SLC39A11: variants seen among roughly 807,000 people sequenced by gnomAD.
SLC39A11 encodes the protein solute carrier family 39 member 11.
Under a neutral mutation model 36.1 loss-of-function variants are expected in SLC39A11, and 33 were observed. That is an observed-to-expected ratio of 0.91 (90% CI 0.69 to 1.22). The LOEUF (loss-of-function observed/expected upper bound fraction) is 1.22, where lower values mean the gene tolerates loss of function less well. Ranked by LOEUF, SLC39A11 falls within the 50% of genes most tolerant of loss-of-function variation. SLC39A11 has a pLI of 0.00. For synonymous variants in SLC39A11, 166 were observed against 170.3 expected (o/e 0.97, Z 0.20); for missense variants, 432 against 430.3 (o/e 1.00, Z -0.03).
chr17:73,068,744 T>C (rs2060073076), intron 3 of SLC39A11, among the ~76,000 whole-genome samples: 1 of 152,152 alleles, frequency 6.6e-6, no homozygotes, highest in South Asian at 2.1e-4. Flanking sequence ...CTATCTCCTA[T>C]GCCTCTGTCC....
chr17:72,804,422 T>A (rs1017205846), intron 6 of SLC39A11, among the ~76,000 whole-genome samples: 28 of 152,008 alleles, frequency 1.8e-4, no homozygotes, highest in African/African-American at 5.1e-4. Context: ...CCCACCCAAG[T>A]AGAGAGTATG....
chr17:72,946,211 A>G (rs1458586535), intron 5 of SLC39A11, among the ~76,000 whole-genome samples: 3 of 152,230 alleles, frequency 2.0e-5, no homozygotes, highest in African/African-American at 2.4e-5. Context: ...TCTGATGGGT[A>G]TAAGTGACAA....
chr17:72,649,132 GA>G, intron 8 of SLC39A11, 37 bp downstream of exon 8: 1 of 1,591,406 alleles, frequency 6.3e-7, no homozygotes, highest in South Asian at 1.1e-5. Context: ...CCACATGGAG[GA>G]TGCTGTGACA....
chr17:72,961,021 C>A (rs183718809), intron 4 of SLC39A11, among the ~76,000 whole-genome samples: 3 of 152,078 alleles, frequency 2.0e-5, no homozygotes, highest in African/African-American at 7.2e-5. Flanking sequence ...TCCAGGAACA[C>A]GAGGGTGAGA....
Position 72,833,232 on chromosome 17 carries a change from C to A in SLC39A11, c.601+16402G>T, listed in dbSNP as rs184172298. Among the ~76,000 whole-genome samples the A allele has an allele frequency of 2.0e-5, 3 of 149,200 alleles. No homozygotes were observed. The Admixed American group carries it at 2.0e-4, about 10-fold the overall frequency. ...AACAAAATGAAGAAAACTGGCAACA[C>A]AGGAATGAAATCACTTGTAGCGATT... On this transcript the variant is annotated intron_variant, in intron 6 of 9. Transcript: ENST00000255559.
chr17:72,666,315 T>A (rs979785462), intron 7 of SLC39A11, among the ~76,000 whole-genome samples: 1 of 152,162 alleles, frequency 6.6e-6, no homozygotes, highest in Non-Finnish European at 1.5e-5. Flanking sequence ...ATTGTGCACA[T>A]CTGGACAGCA....
At chr17:73,077,581 G>A (rs1169119430) in intron 3 of SLC39A11, among the ~76,000 whole-genome samples, 1 of 152,146 alleles carries the variant, frequency 6.6e-6, no homozygotes, top group Admixed American at 6.5e-5. Flanking sequence ...GCCTGCCTCC[G>A]CCTCCCAAAG....
intron 6 of SLC39A11, among the ~76,000 whole-genome samples, chr17:72,749,147 C>T (rs1178453456): frequency 1.3e-5 from 2 of 152,216 alleles, no homozygotes; most frequent in Non-Finnish European, 1.5e-5. Context: ...TTGGAAGACA[C>T]AAAAACTCAA....
chr17:73,004,194 A>AG (rs1370849372), intron 4 of SLC39A11, among the ~76,000 whole-genome samples: 2 of 105,802 alleles, frequency 1.9e-5, no homozygotes, highest in African/African-American at 6.9e-5. Context: ...AAAGAAAGAA[A>AG]GAAAGAAAGA....
chr17:72,811,060 A>T (rs980829066), intron 6 of SLC39A11, among the ~76,000 whole-genome samples: 2 of 123,096 alleles, frequency 1.6e-5, no homozygotes, highest in Non-Finnish European at 3.4e-5. Context: ...ACTTGATTTG[A>T]ATAAAAGCAA....
At chr17:72,858,208 C>CTAA (rs536049321) in intron 5 of SLC39A11, among the ~76,000 whole-genome samples, 2 of 152,170 alleles carry the variant, frequency 1.3e-5, no homozygotes, top group Non-Finnish European at 2.9e-5. Flanking sequence ...AGCCAGTTAT[C>CTAA]TAAGCACTAC....
At chr17:72,745,554 C>G (rs1262169101) in intron 6 of SLC39A11, among the ~76,000 whole-genome samples, 1 of 152,186 alleles carries the variant, frequency 6.6e-6, no homozygotes, top group African/African-American at 2.4e-5. Context: ...GGCTCACAGG[C>G]TAACTGAAAG....
At chr17:72,680,123 A>G (rs116721544) in intron 7 of SLC39A11, among the ~76,000 whole-genome samples, 4,024 of 150,018 alleles carry the variant, frequency 0.027, 170 homozygotes, top group African/African-American at 0.09. Context: ...ACCATTTATG[A>G]GGTGTACATT....
At chr17:73,012,810 T>C (rs2090599979) in intron 4 of SLC39A11, among the ~76,000 whole-genome samples, 1 of 152,128 alleles carries the variant, frequency 6.6e-6, no homozygotes. Flanking sequence ...ATTTATTTAT[T>C]TATTTAGAGA....
chr17:72,992,074 A>C (rs966066379), intron 4 of SLC39A11, among the ~76,000 whole-genome samples: 1 of 152,162 alleles, frequency 6.6e-6, no homozygotes, highest in Non-Finnish European at 1.5e-5. Context: ...CGCAGAGGCC[A>C]GGAGTGGCGG....
chr17:72,754,496 A>G (rs540634883), intron 6 of SLC39A11, among the ~76,000 whole-genome samples: 7 of 152,236 alleles, frequency 4.6e-5, no homozygotes, highest in African/African-American at 1.7e-4. Flanking sequence ...GCTTCAACTT[A>G]GCAGTTGGCC....
intron 7 of SLC39A11, among the ~76,000 whole-genome samples, chr17:72,685,243 C>T (rs912999622): frequency 3.3e-4 from 33 of 99,818 alleles, no homozygotes; most frequent in African/African-American, 1.2e-3. Flanking sequence ...TCCGATGCTA[C>T]GAAGGAGGCC....
At chr17:72,917,666 G>A (rs527293798) in intron 5 of SLC39A11, among the ~76,000 whole-genome samples, 10 of 152,308 alleles carry the variant, frequency 6.6e-5, no homozygotes, top group East Asian at 5.8e-4. Flanking sequence ...ACATGTGGAC[G>A]TCATGGAAAT....
At chr17:72,971,535 G>A (rs1198183815) in intron 4 of SLC39A11, among the ~76,000 whole-genome samples, 2 of 152,174 alleles carry the variant, frequency 1.3e-5, no homozygotes, top group Non-Finnish European at 2.9e-5. Flanking sequence ...CAGATGGAAA[G>A]CAAACATAAA....
Sources: allele counts gnomAD v4.1 joint callset (sites outside exome capture counted in the v4.1 genomes callset), GRCh38; gene constraint gnomAD v4.1.1; transcripts MANE v1.5; gene names NCBI Gene and HGNC (gene_info 2026-07-23, HGNC 2026-07-21).